The following F9 variants were observed in gnomAD, a reference collection of about 807,000 sequenced individuals.
F9 encodes coagulation factor IX.
In F9, 2 loss-of-function variants were observed where a neutral mutation model predicts 34.1. The observed-to-expected ratio is 0.06, with a 90% CI of 0.02 to 0.18. The LOEUF is 0.18. F9 is among the 10% of genes least tolerant of loss of function. The pLI, the probability that F9 is intolerant of heterozygous loss-of-function variation, is 1.00. For synonymous variants in F9, 137 were observed against 118.8 expected (o/e 1.15, Z -1.00); for missense variants, 216 against 345.1 (o/e 0.63, Z 2.96).
At chrX:139,559,329 C>T (rs1263882682) in intron 6 of F9, among the ~76,000 whole-genome samples, 2 of 112,243 alleles carry the variant, frequency 1.8e-5, no homozygotes, top group African/African-American at 6.5e-5. Flanking sequence ...CCAAGGCGGG[C>T]GGATCACGAG....
intron 5 of F9, among the ~76,000 whole-genome samples, chrX:139,549,477 C>T (rs1001901159): frequency 1.7e-4 from 19 of 111,736 alleles, no homozygotes; most frequent in Non-Finnish European, 3.4e-4. Flanking sequence ...TCACAGCCTT[C>T]AGAGCTGAGA....
intron 6 of F9, among the ~76,000 whole-genome samples, chrX:139,556,847 T>C (rs887863575): frequency 1.8e-5 from 2 of 112,634 alleles, no homozygotes; most frequent in Non-Finnish European, 3.7e-5. Flanking sequence ...TAGCAAGCTG[T>C]ACATCACAAA....
intron 1 of F9, among the ~76,000 whole-genome samples, chrX:139,532,049 G>T (rs188765430): frequency 8.9e-6 from 1 of 112,106 alleles, no homozygotes; most frequent in Non-Finnish European, 1.9e-5. Flanking sequence ...GATGAAGGTT[G>T]TAAGAGGGCT....
chrX:139,555,050 G>A (rs149685669), intron 6 of F9, among the ~76,000 whole-genome samples: 2 of 112,350 alleles, frequency 1.8e-5, no homozygotes, highest in East Asian at 2.8e-4. Context: ...GGTGAAAGTT[G>A]CAAGCAGGCA....
At chrX:139,545,027 G>A (rs761076645) in intron 4 of F9, 2 of 111,864 alleles carry the variant, frequency 1.8e-5, no homozygotes, top group South Asian at 7.6e-4. Flanking sequence ...GTGCAGCTAT[G>A]AGCCAAGGCA....
rs769388791 is a variant in F9, at chrX:139,548,340, ACTGT to A, written c.392-20_392-17del. On this transcript the variant is annotated intron_variant, in intron 4 of 7. Transcript: ENST00000218099. ...GAAATGCATGTTAAATGATGCTGTT[ACTGT>A]CTATTTTGCTTCTTTTAGATGTAAC... 3.3e-6 allele frequency: 4 copies of A among 1,206,228 alleles called. No homozygotes were observed. The highest frequency in any genetic ancestry group is 3.4e-6 in the Non-Finnish European group (3 of 891,062).
At chrX:139,535,459 G>T (rs1219330089) in intron 1 of F9, among the ~76,000 whole-genome samples, 1 of 112,040 alleles carries the variant, frequency 8.9e-6, no homozygotes, top group Non-Finnish European at 1.9e-5. Flanking sequence ...GATGTCAAGG[G>T]ACTAGAACAC....
rs4149668 is a variant in F9, at chrX:139,533,106, T to G, written c.88+2254T>G. 7.2e-3 allele frequency among the ~76,000 whole-genome samples: 799 copies of G among 111,245 alleles called. 8 individuals are homozygous for G. Among genetic ancestry groups the G allele is most frequent in the African/African-American group, 0.025 (754 of 30,594 alleles). On this transcript the variant is annotated intron_variant, in intron 1 of 7. Transcript: ENST00000218099. Reference sequence around the variant, plus strand: ...TGCGGGAGACATAAAGGCTAGAACCTGAACAGTAGCAGTACAAAAAAAGAG... The same window carrying G: ...TGCGGGAGACATAAAGGCTAGAACCGGAACAGTAGCAGTACAAAAAAAGAG...
At chrX:139,533,874 G>C (rs1344212162) in intron 1 of F9, among the ~76,000 whole-genome samples, 1 of 111,775 alleles carries the variant, frequency 8.9e-6, no homozygotes, top group African/African-American at 3.3e-5. Flanking sequence ...TGAGGCTGGA[G>C]CCTGGGAGAA....
intron 4 of F9, chrX:139,544,626 C>A (rs781094748): frequency 9.0e-6 from 1 of 111,655 alleles, no homozygotes; most frequent in East Asian, 2.8e-4. Context: ...CTCTGTTAGC[C>A]TGTGTTCCCC....
chrX:139,531,760 C>T (rs1381453181), intron 1 of F9, among the ~76,000 whole-genome samples: 1 of 112,109 alleles, frequency 8.9e-6, no homozygotes, highest in Non-Finnish European at 1.9e-5. Context: ...GTACCAGGAT[C>T]AGGGGTGCCA....
rs1927919742 is a variant in F9 at position 139,554,366 on chromosome X, A to G, written c.723+3102A>G. ...ATGTGTACAGATTCAAAGCACTTTTATTCTTTTCCAAAGGCAAGAAGCTGA... is the reference window on the plus strand; with the variant it reads ...ATGTGTACAGATTCAAAGCACTTTTGTTCTTTTCCAAAGGCAAGAAGCTGA... On this transcript the variant is annotated intron_variant, in intron 6 of 7. Coordinates refer to ENST00000218099, the MANE Select transcript of F9 (RefSeq NM_000133.4). 2.7e-5 allele frequency among the ~76,000 whole-genome samples: 3 copies of G among 112,291 alleles called. No homozygotes were observed. In the South Asian group the frequency reaches 1.1e-3, roughly 42 times the overall value.
In F9 at chrX:139,562,935, A is replaced by G. The variant is rs1487801165; in HGVS notation, c.*864A>G. 9.7e-6 allele frequency: 1 copy of G among 102,649 alleles called. No homozygotes were observed. Among genetic ancestry groups the G allele is most frequent in the Non-Finnish European group, 2.0e-5 (1 of 50,831 alleles). 8.5% of individuals were successfully genotyped at this position (102,649 alleles called of 1,213,427 possible). On this transcript the variant is annotated 3_prime_UTR_variant, in exon 8 of 8. Transcript: ENST00000218099. Reference sequence around the variant, plus strand: ...TGCGTGTGTGTAGACACACACGCATACACACATATAATGGAAGCAATAAGC... The same window carrying G: ...TGCGTGTGTGTAGACACACACGCATGCACACATATAATGGAAGCAATAAGC...
intron 3 of F9, 57 bp downstream of exon 3, chrX:139,537,443 GT>G: frequency 2.0e-6 from 2 of 982,312 alleles, no homozygotes; most frequent in Middle Eastern, 2.7e-4. Context: ...AATTATGTGG[GT>G]TTTTTCTCTG....
rs753370668 is a variant in F9 at position 139,556,418 on chromosome X, T to G, written c.724-4323T>G. ...TATCTTTAAAGGTACCCTGTACAGC[T>G]CTTGCCCTGTACAGCTAGCTACAGA... On this transcript the variant is annotated intron_variant, in intron 6 of 7. Transcript: ENST00000218099. Among the ~76,000 whole-genome samples the G allele has an allele frequency of 1.2e-3, 137 of 111,989 alleles. 1 individual carries two copies. The highest frequency in any genetic ancestry group is 4.0e-3 in the African/African-American group (123 of 30,828).
rs754155651 is a variant in F9 at position 139,551,123 on chromosome X, T to G, written c.582T>G (p.Thr194=). Residue 194 remains threonine (T), a synonymous_variant, in exon 6 of 8, where the codon ACT becomes ACG. Coordinates refer to ENST00000218099, the MANE Select transcript of F9 (RefSeq NM_000133.4). ...CTTCTAAGCTCACCCGTGCTGAGAC[T>G]GTTTTTCCTGATGTGGACTATGTAA... is the stretch of plus-strand genomic sequence containing the variant. ...SQTSKLTRAE[T]VFPDVDYVNS... is the part of the protein sequence containing the mutation. The G allele has an allele frequency of 3.1e-5, 37 of 1,209,905 alleles. No individual in the cohort carries two copies. The highest frequency in any genetic ancestry group is 4.5e-6 in the Non-Finnish European group (4 of 894,879).
At chrX:139,558,962 G>A (rs1928034006) in intron 6 of F9, among the ~76,000 whole-genome samples, 1 of 111,744 alleles carries the variant, frequency 8.9e-6, no homozygotes, top group African/African-American at 3.3e-5. Context: ...TTCTGGAGCC[G>A]GGCAGACTTG....
chrX:139,557,685 G>C (rs1414017500), intron 6 of F9, among the ~76,000 whole-genome samples: 1 of 112,609 alleles, frequency 8.9e-6, no homozygotes, highest in Non-Finnish European at 1.9e-5. Context: ...AATATGTTCA[G>C]TTGTAACTAT....
rs139400480 is a variant in F9, at chrX:139,536,448, C to T, written c.89-562C>T. On this transcript the variant is annotated intron_variant, in intron 1 of 7. Coordinates refer to ENST00000218099, the MANE Select transcript of F9 (RefSeq NM_000133.4). Reference sequence around the variant, plus strand: ...CTGAATTCTAGAGAGATGCTTAAATCACTGCAATTCCTATAACACTTGCCA... The same window carrying T: ...CTGAATTCTAGAGAGATGCTTAAATTACTGCAATTCCTATAACACTTGCCA... Among the ~76,000 whole-genome samples the T allele has an allele frequency of 5.2e-3, 576 of 110,590 alleles. 5 individuals are homozygous for T. The highest frequency in any genetic ancestry group is 0.018 in the African/African-American group (534 of 30,495).
Sources: allele counts gnomAD v4.1 joint callset (sites outside exome capture counted in the v4.1 genomes callset), GRCh38; gene constraint gnomAD v4.1.1; transcripts MANE v1.5; gene names NCBI Gene and HGNC (gene_info 2026-07-23, HGNC 2026-07-21).